Variants in CNTLN observed in about 807,000 individuals in gnomAD.
The protein encoded by CNTLN is centlein.
A neutral mutation model predicts 180.0 loss-of-function variants in CNTLN; 212 were observed. That is an observed-to-expected ratio of 1.18 (90% CI 1.05 to 1.32). CNTLN has a LOEUF of 1.32. Among genes scored for constraint, CNTLN ranks in the 40% most tolerant of loss-of-function variants. The pLI is 0.00. For missense variants in CNTLN, 2,095 were observed against 1,610.9 expected, an observed-to-expected ratio of 1.30 and a Z score of -5.14; for synonymous variants, 722 against 563.1, an observed-to-expected ratio of 1.28 and a Z score of -3.99.
chr9:17,358,982 A>T (rs1444258576), intron 12 of CNTLN, among the ~76,000 whole-genome samples: 2 of 152,210 alleles, frequency 1.3e-5, no homozygotes, highest in South Asian at 2.1e-4. Context: ...GTGACTTTGT[A>T]GTAGGCCAAT....
intron 3 of CNTLN, among the ~76,000 whole-genome samples, chr9:17,227,966 C>G (rs527403659): frequency 6.6e-6 from 1 of 152,132 alleles, no homozygotes; most frequent in African/African-American, 2.4e-5. Flanking sequence ...ACAAGTACAA[C>G]CTTATGAGCC....
At chr9:17,377,965 T>A (rs1824915059) in intron 13 of CNTLN, among the ~76,000 whole-genome samples, 1 of 152,246 alleles carries the variant, frequency 6.6e-6, no homozygotes, top group Non-Finnish European at 1.5e-5. Flanking sequence ...AAAATATTAC[T>A]TTGTTCCAAG....
chr9:17,406,013 A>C lies in CNTLN; in HGVS notation c.2616-3280A>C, dbSNP rs770222076. On this transcript the variant is annotated intron_variant, in intron 15 of 25. Transcript: ENST00000380647. ...TCTGAATTTTAGACATGTAAAGTTG[A>C]CTGTCAACTTAGCATCATACTTGGA... Among the ~76,000 whole-genome samples, 364 of 151,796 alleles carry C rather than the reference A, an allele frequency of 2.4e-3. 2 individuals are homozygous for C. Among genetic ancestry groups the C allele is most frequent in the Non-Finnish European group, 3.5e-3 (240 of 68,008 alleles).
intron 6 of CNTLN, among the ~76,000 whole-genome samples, chr9:17,287,198 T>G (rs1037493776): frequency 2.0e-5 from 3 of 151,296 alleles, no homozygotes; most frequent in Non-Finnish European, 4.4e-5. Flanking sequence ...CCTAATTTAT[T>G]GAGAGTTTTT....
chr9:17,458,661 A>G (rs1413551838), intron 19 of CNTLN, among the ~76,000 whole-genome samples: 1 of 151,968 alleles, frequency 6.6e-6, no homozygotes, highest in Non-Finnish European at 1.5e-5. Context: ...TAGGATAAAT[A>G]GGCTAAAATT....
intron 2 of CNTLN, among the ~76,000 whole-genome samples, chr9:17,210,848 G>T (rs1362916837): frequency 6.6e-6 from 1 of 152,126 alleles, no homozygotes; most frequent in Non-Finnish European, 1.5e-5. Context: ...CTGCATAAAT[G>T]TCTTCTTTTG....
intron 2 of CNTLN, among the ~76,000 whole-genome samples, chr9:17,148,324 A>G (rs984377306): frequency 6.6e-6 from 1 of 152,334 alleles, no homozygotes; most frequent in Non-Finnish European, 1.5e-5. Context: ...ATTAGCTAAC[A>G]CTGAACTATT....
intron 5 of CNTLN, among the ~76,000 whole-genome samples, chr9:17,264,105 T>A (rs926284961): frequency 6.9e-6 from 1 of 144,760 alleles, no homozygotes; most frequent in Admixed American, 6.8e-5. Flanking sequence ...GTTTCAGACA[T>A]GAAGTCCTGG....
At chr9:17,242,581 G>C (rs1461068257) in intron 5 of CNTLN, among the ~76,000 whole-genome samples, 1 of 152,172 alleles carries the variant, frequency 6.6e-6, no homozygotes, top group African/African-American at 2.4e-5. Flanking sequence ...AAAGTGCTGG[G>C]ATTACAGGCG....
chr9:17,298,370 A>G lies in CNTLN; in HGVS notation c.1146+18A>G, dbSNP rs1428392066. ...ATCAAAAAGTATGCTTTTATTCTGT[A>G]ATAAAGATGTAAATGTTTATGTATG... On this transcript the variant is annotated intron_variant, in intron 7 of 25. Transcript: ENST00000380647. The G allele has an allele frequency of 1.3e-6, 2 of 1,593,980 alleles. No individual in the cohort carries two copies. The highest frequency in any genetic ancestry group is 1.4e-5 in the African/African-American group (1 of 73,870).
At chr9:17,403,364 ACTTT>A (rs1466151119) in intron 15 of CNTLN, among the ~76,000 whole-genome samples, 1 of 151,652 alleles carries the variant, frequency 6.6e-6, no homozygotes, top group African/African-American at 2.4e-5. Context: ...AACAAAATTG[ACTTT>A]CTTTCACCAA....
Position 17,415,968 on chromosome 9 carries a change from A to C in CNTLN, c.2893A>C (p.Asn965His). Residue 965 changes from asparagine to histidine, a missense_variant and splice_region_variant, in exon 18 of 26, where the codon AAC (asparagine) becomes CAC (histidine). By Grantham distance (68) the Asn-to-His change is moderately conservative (BLOSUM62 1). Coordinates refer to ENST00000380647, the MANE Select transcript of CNTLN (RefSeq NM_017738.4). ...SSHTAVPTRV[N>H]REKYKNITAQ... ...TGAACAATATTGTTTTTATGTAGTC[A>C]ACAGAGAAAAGTACAAAAATATAAC... 3 of 1,604,478 alleles carry C rather than the reference A, an allele frequency of 1.9e-6. No individual in the cohort carries two copies. The highest frequency in any genetic ancestry group is 2.6e-6 in the Non-Finnish European group (3 of 1,176,010).
At chr9:17,139,122 C>G (rs146492438) in intron 1 of CNTLN, among the ~76,000 whole-genome samples, 3,274 of 152,112 alleles carry the variant, frequency 0.022, 117 homozygotes, top group African/African-American at 0.075. Flanking sequence ...CAGTCTCGCT[C>G]TGTCGCCCAG....
intron 23 of CNTLN, among the ~76,000 whole-genome samples, chr9:17,477,183 C>T (rs972346909): frequency 1.3e-5 from 2 of 152,128 alleles, no homozygotes; most frequent in African/African-American, 4.8e-5. Context: ...AGACCTATTG[C>T]TTAGAAAAAA....
intron 13 of CNTLN, among the ~76,000 whole-genome samples, chr9:17,386,075 AC>A (rs1184128966): frequency 6.6e-6 from 1 of 152,150 alleles, no homozygotes; most frequent in African/African-American, 2.4e-5. Context: ...ATAATCACAA[AC>A]TGACCTTTAA....
intron 12 of CNTLN, among the ~76,000 whole-genome samples, chr9:17,344,037 C>A (rs1821690396): frequency 6.6e-6 from 1 of 152,076 alleles, no homozygotes; most frequent in South Asian, 2.1e-4. Context: ...TCTTTAATGA[C>A]CCTTCTGTCT....
At chr9:17,410,804 G>A (rs1434634929) in intron 16 of CNTLN, among the ~76,000 whole-genome samples, 1 of 151,972 alleles carries the variant, frequency 6.6e-6, no homozygotes, top group Non-Finnish European at 1.5e-5. Flanking sequence ...TTATTCAAAG[G>A]TGCCACCTTT....
At chr9:17,406,627 A>G (rs1442868991) in intron 15 of CNTLN, among the ~76,000 whole-genome samples, 3 of 151,744 alleles carry the variant, frequency 2.0e-5, no homozygotes, top group Non-Finnish European at 4.4e-5. Flanking sequence ...GGTCCTTAAT[A>G]ATTTATAACA....
chr9:17,155,601 C>T (rs534993493), intron 2 of CNTLN, among the ~76,000 whole-genome samples: 20 of 152,280 alleles, frequency 1.3e-4, no homozygotes, highest in African/African-American at 3.8e-4. Context: ...CAATGGCGGA[C>T]GCCCTTCCCC....
Sources: gnomAD v4.1 joint callset for allele counts (sites outside exome capture counted in the v4.1 genomes callset) on GRCh38, gnomAD v4.1.1 for gene constraint, MANE v1.5 for transcripts, NCBI Gene and HGNC (gene_info 2026-07-23, HGNC 2026-07-21) for gene names.